The following NCAPH variants were observed in gnomAD, a reference collection of about 807,000 sequenced individuals.
NCAPH encodes the protein condensin complex subunit 2.
Under a neutral mutation model 85.5 loss-of-function variants are expected in NCAPH, and 38 were observed. The observed-to-expected ratio is 0.44, with a 90% CI of 0.34 to 0.58. The LOEUF (loss-of-function observed/expected upper bound fraction) is 0.58. Ranked by LOEUF, NCAPH falls within the 20% of genes least tolerant of loss-of-function variation. The pLI, the probability that NCAPH is intolerant of heterozygous loss-of-function variation, is 0.01. For missense variants in NCAPH, 789 were observed against 916.6 expected, an observed-to-expected ratio of 0.86 and a Z score of 1.80; for synonymous variants, 301 against 335.1, an observed-to-expected ratio of 0.90 and a Z score of 1.11.
chr2:96,362,405 G>A (rs1010473188), intron 12 of NCAPH, among the ~76,000 whole-genome samples: 2 of 152,180 alleles, frequency 1.3e-5, no homozygotes, highest in African/African-American at 2.4e-5. Context: ...CGAGGTGGGT[G>A]GATCGCTTGA....
intron 12 of NCAPH, among the ~76,000 whole-genome samples, chr2:96,361,682 C>G (rs934943376): frequency 2.7e-5 from 4 of 150,666 alleles, no homozygotes; most frequent in Non-Finnish European, 4.4e-5. Flanking sequence ...TTCTCCTACT[C>G]TCATGGAGTG....
chr2:96,343,378 G>C (rs2064321533), intron 5 of NCAPH, 74 bp downstream of exon 5: 4 of 1,477,622 alleles, frequency 2.7e-6, no homozygotes, highest in Non-Finnish European at 2.7e-6. Context: ...TAATATACTA[G>C]AAGAAGGTCA....
intron 1 of NCAPH, chr2:96,341,313 G>A (rs1237117011): frequency 4.1e-6 from 1 of 241,668 alleles, no homozygotes; most frequent in African/African-American, 2.3e-5. Flanking sequence ...TGGCATGATG[G>A]GTTATATATG....
chr2:96,365,143 A>G (rs573132939), intron 13 of NCAPH, among the ~76,000 whole-genome samples: 18 of 152,124 alleles, frequency 1.2e-4, no homozygotes, highest in Non-Finnish European at 2.2e-4. Flanking sequence ...CCCTTCTCTG[A>G]GTCTACTGAT....
chr2:96,369,137 C>T, intron 16 of NCAPH, 74 bp downstream of exon 16: 2 of 1,379,378 alleles, frequency 1.4e-6, no homozygotes, highest in Non-Finnish European at 1.0e-6. Context: ...GCCTTCCACA[C>T]ACAACCTGTT....
intron 14 of NCAPH, 61 bp downstream of exon 14, chr2:96,366,119 T>C (rs2064695715): frequency 1.3e-6 from 2 of 1,550,282 alleles, no homozygotes; most frequent in Non-Finnish European, 1.8e-6. Flanking sequence ...TTGTCTCTTA[T>C]ATGAGAGTCA....
chr2:96,365,814 C>T (rs2064689734), intron 13 of NCAPH, 62 bp from the exon 14 acceptor site: 10 of 1,528,318 alleles, frequency 6.5e-6, no homozygotes, highest in Non-Finnish European at 9.0e-6. Context: ...GAGTCTATTT[C>T]AAGGGTGTTT....
intron 15 of NCAPH, among the ~76,000 whole-genome samples, chr2:96,368,674 CA>C (rs2064732020): frequency 6.6e-6 from 1 of 151,920 alleles, no homozygotes; most frequent in Non-Finnish European, 1.5e-5. Context: ...AACAAACAAA[CA>C]TGGCTTTTTA....
At chr2:96,360,824 C>A (rs2064596823) in intron 12 of NCAPH, 114 bp downstream of exon 12, 2 of 1,346,342 alleles carry the variant, frequency 1.5e-6, no homozygotes, top group Non-Finnish European at 2.0e-6. Context: ...TATGTGTTAG[C>A]CAAAGCGTGT....
At chr2:96,338,287 A>G (rs970971546) in intron 1 of NCAPH, among the ~76,000 whole-genome samples, 4 of 148,682 alleles carry the variant, frequency 2.7e-5, no homozygotes, top group Admixed American at 6.8e-5. Flanking sequence ...AACATCCCCA[A>G]GTCTGCCATT....
chr2:96,361,812 A>G (rs536461584), intron 12 of NCAPH, among the ~76,000 whole-genome samples: 3 of 82,646 alleles, frequency 3.6e-5, no homozygotes, highest in Admixed American at 2.7e-4. Flanking sequence ...ATGTGTATAT[A>G]TATATATATA....
At chr2:96,361,247 ACTATGTTGGCCAGG>A (rs1417463728) in intron 12 of NCAPH, among the ~76,000 whole-genome samples, 1 of 151,382 alleles carries the variant, frequency 6.6e-6, no homozygotes, top group Non-Finnish European at 1.5e-5. Context: ...ACAGGGTTTC[ACTATGTTGGCCAGG>A]CTAGTCTCGA....
At chr2:96,356,709 C>A (rs896514050) in intron 9 of NCAPH, among the ~76,000 whole-genome samples, 1 of 152,074 alleles carries the variant, frequency 6.6e-6, no homozygotes, top group African/African-American at 2.4e-5. Context: ...GTAGAGGGGG[C>A]CAGACATCAC....
At chr2:96,350,780 T>G (rs2104447104) in intron 6 of NCAPH, among the ~76,000 whole-genome samples, 1 of 152,254 alleles carries the variant, frequency 6.6e-6, no homozygotes, top group African/African-American at 2.4e-5. Context: ...ACATCTGTGT[T>G]GTCCTATCCA....
Position 96,369,506 on chromosome 2 carries a change from T to C in NCAPH, c.2166+6T>C, listed in dbSNP as rs559419624. 1.2e-5 allele frequency: 20 copies of C among 1,611,170 alleles called. No individual in the cohort carries two copies. In the Admixed American group the frequency reaches 1.7e-4, roughly 13 times the overall value. ...TACATTTAGCCAATGAAAAGGTAGG[T>C]AATTAAGGTAAGCATGGGAGTATTA... On this transcript the variant is annotated splice_donor_region_variant and intron_variant, in intron 17 of 17. Coordinates refer to ENST00000240423, the MANE Select transcript of NCAPH (RefSeq NM_015341.5).
chr2:96,354,657 T>C (rs2064498613), intron 9 of NCAPH, among the ~76,000 whole-genome samples: 1 of 151,816 alleles, frequency 6.6e-6, no homozygotes, highest in South Asian at 2.1e-4. Context: ...CCTGCTGGGG[T>C]GATTGAATTT....
chr2:96,373,538 G>A lies in NCAPH; in HGVS notation c.*187G>A, dbSNP rs1035235606. 2.9e-5 allele frequency: 17 copies of A among 581,352 alleles called. No homozygotes were observed. The highest frequency in any genetic ancestry group is 7.5e-5 in the African/African-American group (4 of 53,384). 36.0% of individuals were successfully genotyped at this position (581,352 alleles called of 1,614,324 possible). On this transcript the variant is annotated 3_prime_UTR_variant, in exon 18 of 18. Transcript: ENST00000240423. Reference sequence around the variant, plus strand: ...CTGGGTGCCAGCGCCCTGAAGCTCCGTGCTCAACTGATTAAACTTTACTGC... The same window carrying A: ...CTGGGTGCCAGCGCCCTGAAGCTCCATGCTCAACTGATTAAACTTTACTGC...
intron 6 of NCAPH, among the ~76,000 whole-genome samples, chr2:96,345,648 G>T (rs2064352677): frequency 6.6e-6 from 1 of 152,198 alleles, no homozygotes; most frequent in Non-Finnish European, 1.5e-5. Flanking sequence ...CAAGGAGAGA[G>T]GGTAGGCTTA....
At chr2:96,368,466 C>T (rs2064728501) in intron 15 of NCAPH, among the ~76,000 whole-genome samples, 1 of 152,088 alleles carries the variant, frequency 6.6e-6, no homozygotes, top group South Asian at 2.1e-4. Flanking sequence ...ACAAGCCTGG[C>T]CAACATGGTG....
Sources: allele counts gnomAD v4.1 joint callset (sites outside exome capture counted in the v4.1 genomes callset), GRCh38; gene constraint gnomAD v4.1.1; transcripts MANE v1.5; gene names NCBI Gene and HGNC (gene_info 2026-07-23, HGNC 2026-07-21).